KCND3: variants seen among roughly 807,000 people sequenced by gnomAD.
KCND3 encodes the protein potassium voltage-gated channel subfamily D member 3.
In KCND3, 9 loss-of-function variants were observed where a neutral mutation model predicts 51.1. The observed-to-expected ratio is 0.18, with a 90% CI of 0.11 to 0.31. The LOEUF (loss-of-function observed/expected upper bound fraction) is 0.31, where lower values mean the gene tolerates loss of function less well. Ranked by LOEUF, KCND3 falls within the 10% of genes least tolerant of loss-of-function variation. KCND3 has a pLI of 1.00. For synonymous variants in KCND3, 349 were observed against 368.0 expected (o/e 0.95, Z 0.59); for missense variants, 526 against 903.8 (o/e 0.58, Z 5.36).
At chr1:111,948,552 T>C (rs1388007328) in intron 2 of KCND3, among the ~76,000 whole-genome samples, 2 of 152,118 alleles carry the variant, frequency 1.3e-5, no homozygotes, top group South Asian at 2.1e-4. Context: ...CCCACTTTTT[T>C]CCCCCTGGGT....
intron 2 of KCND3, among the ~76,000 whole-genome samples, chr1:111,840,745 T>C (rs1667288611): frequency 6.6e-6 from 1 of 152,204 alleles, no homozygotes; most frequent in Non-Finnish European, 1.5e-5. Context: ...TTGTGCTCTG[T>C]AGACTCTCCC....
chr1:111,773,238 C>T lies in KCND3; in HGVS notation c.*2839G>A, dbSNP rs1327253708. 1.3e-5 allele frequency: 2 copies of T among 152,040 alleles called. No homozygotes were observed. 9.4% of individuals were successfully genotyped at this position (152,040 alleles called of 1,614,324 possible). Reference sequence around the variant, plus strand: ...AAAAAACATGGGAAATTGCTTGGGACATGATATTTAACATTTATTAATTTT... The same window carrying T: ...AAAAAACATGGGAAATTGCTTGGGATATGATATTTAACATTTATTAATTTT... On this transcript the variant is annotated 3_prime_UTR_variant, in exon 8 of 8. Coordinates refer to ENST00000302127, the MANE Select transcript of KCND3 (RefSeq NM_001378969.1).
At chr1:111,918,425 T>A (rs1671324667) in intron 2 of KCND3, among the ~76,000 whole-genome samples, 1 of 152,158 alleles carries the variant, frequency 6.6e-6, no homozygotes, top group Admixed American at 6.5e-5. Flanking sequence ...CTCTAGCATC[T>A]CTTAAGGACT....
intron 2 of KCND3, among the ~76,000 whole-genome samples, chr1:111,928,452 G>A (rs938762721): frequency 1.3e-5 from 2 of 152,218 alleles, no homozygotes; most frequent in Admixed American, 1.3e-4. Context: ...GGAAAGCAGC[G>A]GGAATGAAGC....
rs77576539 is a variant in KCND3 at position 111,802,032 on chromosome 1, A to G, written c.1107-14926T>C. 1.7e-3 allele frequency among the ~76,000 whole-genome samples: 256 copies of G among 152,354 alleles called. 1 individual carries two copies. Among genetic ancestry groups the G allele is most frequent in the African/African-American group, 5.9e-3 (247 of 41,572 alleles). On this transcript the variant is annotated intron_variant, in intron 2 of 7. Coordinates refer to ENST00000302127, the MANE Select transcript of KCND3 (RefSeq NM_001378969.1). ...AGCTGAGAGACCTCAAGCAGGCACA[A>G]CTTCCTGGGCCTCAGTTGACTCATC...
chr1:111,908,987 G>A (rs535389873), intron 2 of KCND3, among the ~76,000 whole-genome samples: 1 of 147,442 alleles, frequency 6.8e-6, no homozygotes, highest in East Asian at 2.0e-4. Context: ...GACAGTAGGA[G>A]AATAATGTGA....
chr1:111,873,756 T>C (rs894504754), intron 2 of KCND3, among the ~76,000 whole-genome samples: 5 of 152,268 alleles, frequency 3.3e-5, no homozygotes, highest in Admixed American at 6.5e-5. Context: ...TTCCAAGTTA[T>C]TGAAATTCAC....
intron 2 of KCND3, among the ~76,000 whole-genome samples, chr1:111,899,380 A>C (rs542154995): frequency 6.6e-6 from 1 of 152,362 alleles, no homozygotes; most frequent in Admixed American, 6.5e-5. Context: ...CCTTCTGCTC[A>C]ATGAGCATCA....
intron 2 of KCND3, among the ~76,000 whole-genome samples, chr1:111,939,392 C>A (rs893227234): frequency 2.0e-5 from 3 of 152,128 alleles, no homozygotes; most frequent in Non-Finnish European, 4.4e-5. Context: ...TCCCCACCCC[C>A]CAACAGGCCC....
chr1:111,893,897 T>A (rs930600801), intron 2 of KCND3, among the ~76,000 whole-genome samples: 1 of 152,094 alleles, frequency 6.6e-6, no homozygotes, highest in Non-Finnish European at 1.5e-5. Flanking sequence ...TTCCCTGCAG[T>A]TTGAGGGAGA....
intron 2 of KCND3, among the ~76,000 whole-genome samples, chr1:111,865,116 G>A (rs1204640868): frequency 6.6e-6 from 1 of 152,140 alleles, no homozygotes; most frequent in African/African-American, 2.4e-5. Context: ...GGTAGAGGTG[G>A]GTGAACCATG....
At chr1:111,855,282 T>G (rs1293949758) in intron 2 of KCND3, among the ~76,000 whole-genome samples, 1 of 152,148 alleles carries the variant, frequency 6.6e-6, no homozygotes, top group Non-Finnish European at 1.5e-5. Context: ...TATATTCCCC[T>G]CATGGGGACA....
At chr1:111,799,955 C>T (rs749867343) in intron 2 of KCND3, among the ~76,000 whole-genome samples, 28 of 152,180 alleles carry the variant, frequency 1.8e-4, no homozygotes, top group Admixed American at 8.5e-4. Context: ...CCGCCCCGTC[C>T]GGGAGGTGAG....
chr1:111,877,954 T>C (rs1438692043), intron 2 of KCND3, among the ~76,000 whole-genome samples: 1 of 152,218 alleles, frequency 6.6e-6, no homozygotes, highest in Non-Finnish European at 1.5e-5. Flanking sequence ...AATTCATATA[T>C]ATTAACTCAT....
intron 2 of KCND3, among the ~76,000 whole-genome samples, chr1:111,881,114 C>T (rs1195823778): frequency 1.3e-5 from 2 of 152,212 alleles, no homozygotes; most frequent in African/African-American, 4.8e-5. Flanking sequence ...GGGGCGGCCC[C>T]CCTCCAGGTC....
chr1:111,831,317 T>G (rs899032967), intron 2 of KCND3, among the ~76,000 whole-genome samples: 3 of 152,242 alleles, frequency 2.0e-5, no homozygotes, highest in African/African-American at 7.2e-5. Flanking sequence ...AGAGGAGGGA[T>G]CTGGTGGGAG....
intron 2 of KCND3, among the ~76,000 whole-genome samples, chr1:111,881,299 C>T (rs974354077): frequency 2.6e-5 from 4 of 152,206 alleles, no homozygotes; most frequent in East Asian, 1.9e-4. Context: ...CAGGCGTGAG[C>T]TCCTCGGCTC....
At chr1:111,811,897 G>C (rs1348854662) in intron 2 of KCND3, among the ~76,000 whole-genome samples, 1 of 152,158 alleles carries the variant, frequency 6.6e-6, no homozygotes, top group Non-Finnish European at 1.5e-5. Context: ...TTCCCCACCT[G>C]CCTGTTTCCT....
chr1:111,834,750 AAC>A (rs1666996135), intron 2 of KCND3, among the ~76,000 whole-genome samples: 1 of 152,206 alleles, frequency 6.6e-6, no homozygotes, highest in Non-Finnish European at 1.5e-5. Flanking sequence ...CTTCTGAAGA[AAC>A]ACAGAAATTT....
Sources: gnomAD v4.1 joint callset for allele counts (sites outside exome capture counted in the v4.1 genomes callset) on GRCh38, gnomAD v4.1.1 for gene constraint, MANE v1.5 for transcripts, NCBI Gene and HGNC (gene_info 2026-07-23, HGNC 2026-07-21) for gene names.